Variants in TMEM117 observed in about 807,000 individuals in gnomAD.
TMEM117 encodes the protein transmembrane protein 117.
A neutral mutation model predicts 52.4 loss-of-function variants in TMEM117; 27 were observed. The observed-to-expected ratio is 0.51, with a 90% confidence interval of 0.38 to 0.71. The LOEUF is 0.71. Ranked by LOEUF, TMEM117 falls within the 30% of genes least tolerant of loss-of-function variation. The pLI, the probability that TMEM117 is intolerant of heterozygous loss-of-function variation, is 0.00. For missense variants in TMEM117, 556 were observed against 630.5 expected (o/e 0.88, Z 1.26); for synonymous variants, 215 against 206.3 (o/e 1.04, Z -0.36).
chr12:44,391,113 T>C (rs1453134670), downstream of TMEM117, among the ~76,000 whole-genome samples: 2 of 152,174 alleles, frequency 1.3e-5, no homozygotes, highest in African/African-American at 2.4e-5. Flanking sequence ...TAAACAATTA[T>C]ATTTCTACTG....
At chr12:44,214,295 A>G (rs1482630138) in intron 5 of TMEM117, among the ~76,000 whole-genome samples, 2 of 151,492 alleles carry the variant, frequency 1.3e-5, no homozygotes, top group Non-Finnish European at 2.9e-5. Flanking sequence ...ACAGGCACGT[A>G]CCACCACGCC....
intron 4 of TMEM117, among the ~76,000 whole-genome samples, chr12:44,167,782 A>G (rs1026424409): frequency 6.6e-6 from 1 of 152,186 alleles, no homozygotes; most frequent in African/African-American, 2.4e-5. Context: ...CTAGAAGAGT[A>G]GAGGAAATAA....
chr12:43,954,720 C>T (rs977749353), intron 3 of TMEM117, among the ~76,000 whole-genome samples: 3 of 152,188 alleles, frequency 2.0e-5, no homozygotes, highest in African/African-American at 7.2e-5. Context: ...GGAGCTGGTA[C>T]CATTTCTTCT....
intron 4 of TMEM117, among the ~76,000 whole-genome samples, chr12:44,191,709 G>C (rs746182755): frequency 6.6e-6 from 1 of 152,036 alleles, no homozygotes; most frequent in Non-Finnish European, 1.5e-5. Flanking sequence ...ATCATGTCAC[G>C]AATGCAGGGC....
chr12:44,095,655 A>G (rs10506234), intron 3 of TMEM117, among the ~76,000 whole-genome samples: 16,824 of 152,100 alleles, frequency 0.11, 2,506 homozygotes, highest in African/African-American at 0.34. Context: ...AGCTCGGTTC[A>G]AAGTTGTCAC....
intron 3 of TMEM117, among the ~76,000 whole-genome samples, chr12:43,967,492 T>A (rs1017187284): frequency 1.3e-5 from 2 of 152,040 alleles, no homozygotes; most frequent in Non-Finnish European, 2.9e-5. Flanking sequence ...CTGGGAGCCC[T>A]TACTCTGGGG....
intron 2 of TMEM117, among the ~76,000 whole-genome samples, chr12:43,851,491 A>G (rs1943307337): frequency 6.6e-6 from 1 of 152,116 alleles, no homozygotes; most frequent in Non-Finnish European, 1.5e-5. Context: ...TGTTTTAATA[A>G]TGCATCCTAG....
chr12:44,279,705 G>A (rs892940798), intron 5 of TMEM117, among the ~76,000 whole-genome samples: 5 of 152,040 alleles, frequency 3.3e-5, no homozygotes, highest in African/African-American at 4.8e-5. Context: ...GTAGAAACGG[G>A]GTTTCACTGT....
intron 2 of TMEM117, among the ~76,000 whole-genome samples, chr12:43,882,595 A>C (rs1280904402): frequency 6.6e-6 from 1 of 152,154 alleles, no homozygotes; most frequent in Non-Finnish European, 1.5e-5. Context: ...CTGTTGTCTC[A>C]CATCAAAAAT....
At chr12:43,806,485 C>T in the TMEM117 span, 2 of 796,674 alleles carry the variant, frequency 2.5e-6, no homozygotes, top group Non-Finnish European at 3.2e-6. Context: ...GCTTGGGGTC[C>T]TGCTTCTGCT....
chr12:43,924,486 AG>A (rs2137564177), intron 2 of TMEM117, among the ~76,000 whole-genome samples: 1 of 152,342 alleles, frequency 6.6e-6, no homozygotes, highest in South Asian at 2.1e-4. Context: ...ACTACATAAA[AG>A]TTGCCCTTTG....
chr12:43,855,532 A>G (rs963626609), intron 2 of TMEM117, among the ~76,000 whole-genome samples: 2 of 152,236 alleles, frequency 1.3e-5, no homozygotes, highest in Non-Finnish European at 2.9e-5. Flanking sequence ...CTAAAGATGT[A>G]CTTTTCTTGT....
chr12:44,067,628 G>A (rs888184203), intron 3 of TMEM117, among the ~76,000 whole-genome samples: 3 of 152,138 alleles, frequency 2.0e-5, no homozygotes, highest in African/African-American at 7.2e-5. Context: ...TGTCTCAACG[G>A]TGGGCTTAAA....
At chr12:43,905,173 T>C (rs1324348297) in intron 2 of TMEM117, among the ~76,000 whole-genome samples, 1 of 152,090 alleles carries the variant, frequency 6.6e-6, no homozygotes, top group East Asian at 1.9e-4. Context: ...TTTGAGCATG[T>C]CTGTGCCTGT....
At chr12:44,102,282 A>G (rs909356703) in intron 3 of TMEM117, among the ~76,000 whole-genome samples, 1 of 152,044 alleles carries the variant, frequency 6.6e-6, no homozygotes, top group Admixed American at 6.6e-5. Context: ...TCGGCTATCT[A>G]GAATAGTTTA....
intron 3 of TMEM117, among the ~76,000 whole-genome samples, chr12:44,025,901 GC>G (rs143033801): frequency 0.063 from 9,478 of 150,442 alleles, 461 homozygotes; most frequent in African/African-American, 0.13. Flanking sequence ...TTACCTATCC[GC>G]CCCCCCCACC....
chr12:44,157,732 CTG>C (rs1948846072), intron 4 of TMEM117, among the ~76,000 whole-genome samples: 1 of 152,054 alleles, frequency 6.6e-6, no homozygotes. Flanking sequence ...AGTTTGTGTT[CTG>C]TAAGGAATGC....
At chr12:44,311,254 C>A (rs2138669828) in intron 6 of TMEM117, among the ~76,000 whole-genome samples, 1 of 151,874 alleles carries the variant, frequency 6.6e-6, no homozygotes, top group East Asian at 1.9e-4. Flanking sequence ...GTTTGTTCAA[C>A]CTTTGATTTC....
chr12:44,236,687 A>G (rs1207724231), intron 5 of TMEM117, among the ~76,000 whole-genome samples: 1 of 152,140 alleles, frequency 6.6e-6, no homozygotes, highest in Non-Finnish European at 1.5e-5. Context: ...TAGGCGGTTT[A>G]TATTTTAAAA....
Sources: gnomAD v4.1 joint callset for allele counts (sites outside exome capture counted in the v4.1 genomes callset) on GRCh38, gnomAD v4.1.1 for gene constraint, MANE v1.5 for transcripts, NCBI Gene and HGNC (gene_info 2026-07-23, HGNC 2026-07-21) for gene names.